GPC5: variants seen among roughly 807,000 people sequenced by gnomAD.
The protein encoded by GPC5 is glypican 5.
GPC5 carries 47 observed loss-of-function variants against 53.9 expected under a neutral mutation model. The ratio of observed to expected loss-of-function variants is 0.87; its 90% CI spans 0.69 to 1.11. The LOEUF is 1.11. GPC5 is among the 50% of genes most tolerant of loss of function. The pLI is 0.00. For synonymous variants in GPC5, 286 were observed against 263.3 expected, an observed-to-expected ratio of 1.09 and a Z score of -0.84; for missense variants, 748 against 713.1, an observed-to-expected ratio of 1.05 and a Z score of -0.56.
At chr13:91,686,854 A>G (rs887424550) in intron 2 of GPC5, among the ~76,000 whole-genome samples, 6 of 152,004 alleles carry the variant, frequency 3.9e-5, no homozygotes, top group Non-Finnish European at 8.8e-5. Context: ...ATCCATTGCA[A>G]TAACATAATA....
chr13:92,153,081 G>C (rs2041918913), intron 7 of GPC5, among the ~76,000 whole-genome samples: 1 of 152,164 alleles, frequency 6.6e-6, no homozygotes, highest in Non-Finnish European at 1.5e-5. Context: ...AAACAGTGTG[G>C]TTTTGAGGCT....
intron 4 of GPC5, among the ~76,000 whole-genome samples, chr13:91,730,406 A>T (rs2036671554): frequency 6.6e-6 from 1 of 152,106 alleles, no homozygotes; most frequent in African/African-American, 2.4e-5. Flanking sequence ...CTACCGCTTG[A>T]GCCTGATTTC....
chr13:91,764,774 T>C (rs2138673752), intron 5 of GPC5, among the ~76,000 whole-genome samples: 1 of 152,296 alleles, frequency 6.6e-6, no homozygotes, highest in Non-Finnish European at 1.5e-5. Context: ...CCTGTGCTTG[T>C]AGTTGGCAGG....
At chr13:92,248,556 A>T (rs1488653375) in intron 7 of GPC5, among the ~76,000 whole-genome samples, 1 of 152,166 alleles carries the variant, frequency 6.6e-6, no homozygotes, top group African/African-American at 2.4e-5. Flanking sequence ...TAGTAGGATA[A>T]AAAGAGAAAA....
chr13:91,652,921 T>C (rs111750803), intron 2 of GPC5, among the ~76,000 whole-genome samples: 73 of 152,290 alleles, frequency 4.8e-4, no homozygotes, highest in African/African-American at 1.6e-3. Flanking sequence ...TGGCATTCTG[T>C]CTCTGGCTAA....
chr13:92,799,672 A>T (rs1876829027), intron 7 of GPC5, among the ~76,000 whole-genome samples: 1 of 151,806 alleles, frequency 6.6e-6, no homozygotes, highest in South Asian at 2.1e-4. Flanking sequence ...GTGATTCTTT[A>T]GTCCTTTACC....
At chr13:91,694,297 C>A (rs2035832855) in intron 3 of GPC5, among the ~76,000 whole-genome samples, 1 of 152,038 alleles carries the variant, frequency 6.6e-6, no homozygotes, top group Non-Finnish European at 1.5e-5. Context: ...AGTATGGTAC[C>A]TGGTACTCCA....
At chr13:91,567,805 G>C (rs949682105) in intron 2 of GPC5, among the ~76,000 whole-genome samples, 4 of 152,120 alleles carry the variant, frequency 2.6e-5, no homozygotes, top group African/African-American at 9.7e-5. Flanking sequence ...ATTTTCTTTT[G>C]TTCGGTTATA....
chr13:91,839,779 T>G (rs1203074800), intron 5 of GPC5, among the ~76,000 whole-genome samples: 1 of 152,092 alleles, frequency 6.6e-6, no homozygotes, highest in African/African-American at 2.4e-5. Flanking sequence ...GAATTATAAG[T>G]CATGAAAAGA....
chr13:91,903,650 G>A (rs1388066890), intron 5 of GPC5, among the ~76,000 whole-genome samples: 2 of 152,124 alleles, frequency 1.3e-5, no homozygotes, highest in Non-Finnish European at 2.9e-5. Flanking sequence ...GAAGTAATGT[G>A]TGTCTACTTT....
intron 2 of GPC5, among the ~76,000 whole-genome samples, chr13:91,634,548 C>A (rs921675611): frequency 1.3e-5 from 2 of 151,866 alleles, no homozygotes; most frequent in Admixed American, 6.6e-5. Flanking sequence ...AACAAATCAC[C>A]TAATTTAGCT....
rs1446362927 is a variant in GPC5 at position 91,832,619 on chromosome 13, G to A, written c.1281-75318G>A. ...ATATGTTTTTGCAGTGGCAGATACT[G>A]GTTGTTCCTCTCCTGAACGACTACT... On this transcript the variant is annotated intron_variant, in intron 5 of 7. Transcript: ENST00000377067. Among the ~76,000 whole-genome samples, 3 of 151,990 alleles carry A rather than the reference G, an allele frequency of 2.0e-5. 1 individual carries two copies. Among genetic ancestry groups the A allele is most frequent in the African/African-American group, 7.2e-5 (3 of 41,406 alleles).
intron 7 of GPC5, among the ~76,000 whole-genome samples, chr13:92,494,694 T>C (rs1594249403): frequency 6.6e-6 from 1 of 152,284 alleles, no homozygotes; most frequent in South Asian, 2.1e-4. Context: ...ATTTTGACTT[T>C]ATAGGGAATG....
chr13:92,282,304 C>T (rs1028804357), intron 7 of GPC5, among the ~76,000 whole-genome samples: 2 of 152,146 alleles, frequency 1.3e-5, no homozygotes, highest in African/African-American at 4.8e-5. Flanking sequence ...GAGAATGGAA[C>T]CAAGTTGGAA....
intron 7 of GPC5, among the ~76,000 whole-genome samples, chr13:92,258,592 G>T: frequency 6.6e-6 from 1 of 152,104 alleles, no homozygotes; most frequent in Non-Finnish European, 1.5e-5. Flanking sequence ...CTATAAGATA[G>T]CTCTAAATAT....
Position 91,630,235 on chromosome 13 carries a change from C to A in GPC5, c.326-62952C>A, listed in dbSNP as rs75269028. ...TGCCTCTTTGGAAGACTAACTTCTA[C>A]TGAGATTTTAAGATAACAGTAAAGG... On this transcript the variant is annotated intron_variant, in intron 2 of 7. Transcript: ENST00000377067. 4.2e-3 allele frequency among the ~76,000 whole-genome samples: 632 copies of A among 152,182 alleles called. 7 individuals are homozygous for A. The highest frequency in any genetic ancestry group is 0.015 in the African/African-American group (602 of 41,512).
At chr13:92,708,695 A>T (rs1009793030) in intron 7 of GPC5, among the ~76,000 whole-genome samples, 47 of 151,164 alleles carry the variant, frequency 3.1e-4, no homozygotes, top group Non-Finnish European at 5.3e-4. Flanking sequence ...AAGAGATGTT[A>T]TTAGAGACAA....
chr13:92,525,361 TG>T (rs1254213541), intron 7 of GPC5, among the ~76,000 whole-genome samples: 2 of 151,758 alleles, frequency 1.3e-5, no homozygotes. Context: ...GCATATGAAC[TG>T]CCTCATTTGA....
At chr13:91,486,341 G>A (rs4771835) in intron 2 of GPC5, 66,328 of 152,056 alleles carry the variant, frequency 0.44, 15,414 homozygotes, top group Non-Finnish European at 0.52. Context: ...CTGTAAGCCA[G>A]ATTGCTTCTT....
Sources: gnomAD v4.1 joint callset for allele counts (sites outside exome capture counted in the v4.1 genomes callset) on GRCh38, gnomAD v4.1.1 for gene constraint, MANE v1.5 for transcripts, NCBI Gene and HGNC (gene_info 2026-07-23, HGNC 2026-07-21) for gene names.